Variants in AFG2A observed in about 807,000 individuals in gnomAD.
The protein encoded by AFG2A is AAA ATPase AFG2A.
chr4:122,943,925 G>T, the AFG2A span, among the ~76,000 whole-genome samples: 2 of 151,722 alleles, frequency 1.3e-5, no homozygotes, highest in African/African-American at 4.8e-5. Flanking sequence ...GAAATTCTGG[G>T]TTGAAAATTC....
the AFG2A span, chr4:122,927,699 T>G: frequency 6.8e-6 from 11 of 1,613,130 alleles, no homozygotes; most frequent in Non-Finnish European, 8.5e-6. Context: ...CACTATGAAG[T>G]CTGCAAATAT....
At chr4:122,940,146 C>T in the AFG2A span, among the ~76,000 whole-genome samples, 4 of 152,092 alleles carry the variant, frequency 2.6e-5, 1 homozygote, top group Non-Finnish European at 5.9e-5. Context: ...AGTATATACC[C>T]AGTAATGGGA....
At chr4:123,156,620 T>TAATA in the AFG2A span, among the ~76,000 whole-genome samples, 1 of 152,166 alleles carries the variant, frequency 6.6e-6, no homozygotes, top group African/African-American at 2.4e-5. Flanking sequence ...CAGCTGGTAT[T>TAATA]GTTTACAACA....
chr4:123,082,068 A>T, the AFG2A span, among the ~76,000 whole-genome samples: 1 of 152,102 alleles, frequency 6.6e-6, no homozygotes, highest in Non-Finnish European at 1.5e-5. Context: ...ACTTTCTCCC[A>T]GTCTGTGGCT....
At chr4:123,266,456 A>C in the AFG2A span, among the ~76,000 whole-genome samples, 4 of 151,974 alleles carry the variant, frequency 2.6e-5, no homozygotes, top group Non-Finnish European at 4.4e-5. Context: ...AGTTTAAAAA[A>C]TCTACAATTT....
chr4:123,177,035 A>G, the AFG2A span, among the ~76,000 whole-genome samples: 1 of 152,324 alleles, frequency 6.6e-6, no homozygotes, highest in East Asian at 1.9e-4. Flanking sequence ...AATGTACCCA[A>G]AAGCTTTCGA....
At chr4:123,007,604 GTGTGTATATA>G in the AFG2A span, among the ~76,000 whole-genome samples, 1 of 12,500 alleles carries the variant, frequency 8.0e-5, no homozygotes, top group African/African-American at 4.1e-4. Flanking sequence ...GTGTGTGTGT[GTGTGTATATA>G]TATATATATA....
At chr4:122,939,539 G>A in the AFG2A span, among the ~76,000 whole-genome samples, 3 of 151,976 alleles carry the variant, frequency 2.0e-5, no homozygotes, top group Non-Finnish European at 4.4e-5. Context: ...AATAAGTAAA[G>A]TTTTTAGAAT....
chr4:122,966,466 A>G, the AFG2A span, among the ~76,000 whole-genome samples: 1 of 152,140 alleles, frequency 6.6e-6, no homozygotes, highest in Non-Finnish European at 1.5e-5. Context: ...AGGGCCTCCT[A>G]ATCTCTAAAG....
the AFG2A span, among the ~76,000 whole-genome samples, chr4:123,264,798 T>G: frequency 6.6e-6 from 1 of 152,166 alleles, no homozygotes; most frequent in African/African-American, 2.4e-5. Context: ...ACTTTCATCT[T>G]GTAATAAGGG....
At chr4:123,238,264 A>G in the AFG2A span, among the ~76,000 whole-genome samples, 1 of 152,244 alleles carries the variant, frequency 6.6e-6, no homozygotes, top group Non-Finnish European at 1.5e-5. Flanking sequence ...GCTGAACAAA[A>G]GGCAGCAGTA....
At chr4:123,096,679 G>A in the AFG2A span, among the ~76,000 whole-genome samples, 14 of 152,046 alleles carry the variant, frequency 9.2e-5, no homozygotes, top group East Asian at 1.4e-3. Context: ...TATCCCTAGC[G>A]TATAAACCTA....
chr4:123,282,301 C>T, the AFG2A span, among the ~76,000 whole-genome samples: 1 of 152,190 alleles, frequency 6.6e-6, no homozygotes, highest in African/African-American at 2.4e-5. Context: ...ACACACTTGG[C>T]CTTTTCACTG....
the AFG2A span, among the ~76,000 whole-genome samples, chr4:123,138,082 C>T: frequency 1.4e-4 from 21 of 152,230 alleles, no homozygotes; most frequent in Middle Eastern, 6.8e-3. Flanking sequence ...TGTTATGCAT[C>T]CTTTAATTAT....
chr4:123,106,761 T>C, the AFG2A span, among the ~76,000 whole-genome samples: 1 of 152,240 alleles, frequency 6.6e-6, no homozygotes, highest in Non-Finnish European at 1.5e-5. Flanking sequence ...TCCTTCTGCC[T>C]GAGTACTGCT....
At chr4:123,044,562 C>G in the AFG2A span, among the ~76,000 whole-genome samples, 1 of 152,182 alleles carries the variant, frequency 6.6e-6, no homozygotes, top group African/African-American at 2.4e-5. Flanking sequence ...TGTTTTCAAA[C>G]TGGTATCTTA....
chr4:122,981,377 A>G, the AFG2A span, among the ~76,000 whole-genome samples: 1 of 149,928 alleles, frequency 6.7e-6, no homozygotes, highest in Non-Finnish European at 1.5e-5. Context: ...ATTTATTTAT[A>G]TGTCTGTTTT....
chr4:123,001,670 A>G, the AFG2A span, among the ~76,000 whole-genome samples: 8 of 151,904 alleles, frequency 5.3e-5, no homozygotes, highest in African/African-American at 1.9e-4. Context: ...TCTGAGAGAC[A>G]GTTTGTTATA....
chr4:122,966,892 T>C, the AFG2A span, among the ~76,000 whole-genome samples: 4 of 152,196 alleles, frequency 2.6e-5, no homozygotes, highest in African/African-American at 9.7e-5. Flanking sequence ...AGTAATTATG[T>C]CTAGGAGGTT....
Sources: gnomAD v4.1 joint callset for allele counts (sites outside exome capture counted in the v4.1 genomes callset) on GRCh38, gnomAD v4.1.1 for gene constraint, MANE v1.5 for transcripts, NCBI Gene and HGNC (gene_info 2026-07-23, HGNC 2026-07-21) for gene names.